DDX55: variants seen among roughly 807,000 people sequenced by gnomAD.
The protein encoded by DDX55 is DEAD-box helicase 55, also known as ATP-dependent RNA helicase DDX55.
A neutral mutation model predicts 69.2 loss-of-function variants in DDX55; 56 were observed. The ratio of observed to expected loss-of-function variants is 0.81; its 90% confidence interval spans 0.65 to 1.01. The LOEUF is 1.01. Ranked by LOEUF, DDX55 falls within the 50% of genes least tolerant of loss-of-function variation. The pLI is 0.00. For synonymous variants in DDX55, 268 were observed against 273.1 expected (o/e 0.98, Z 0.18); for missense variants, 720 against 745.1 (o/e 0.97, Z 0.39).
chr12:123,612,627 A>G (rs2135717787), intron 7 of DDX55, among the ~76,000 whole-genome samples: 1 of 152,206 alleles, frequency 6.6e-6, no homozygotes, highest in Admixed American at 6.5e-5. Context: ...CTTAGGTTCA[A>G]TCTCAGACCT....
rs1351672668 is a variant in DDX55, at chr12:123,612,112, C to A, written c.742-1058C>A. On this transcript the variant is annotated intron_variant, in intron 7 of 13. Coordinates refer to ENST00000238146, the MANE Select transcript of DDX55 (RefSeq NM_020936.3). ...CAAAATCTGAAGCTTTTTTGAGTGCCAACATGATGCTGAGAGGAAATACTC... is the reference window on the plus strand; with the variant it reads ...CAAAATCTGAAGCTTTTTTGAGTGCAAACATGATGCTGAGAGGAAATACTC... Among the ~76,000 whole-genome samples, 5 of 152,120 alleles carry A rather than the reference C, an allele frequency of 3.3e-5. No homozygotes were observed. The East Asian group carries it at 7.7e-4, about 23-fold the overall frequency.
intron 7 of DDX55, among the ~76,000 whole-genome samples, chr12:123,610,890 G>GTTTTTTTT (rs759513993): frequency 1.5e-5 from 2 of 132,728 alleles, no homozygotes; most frequent in African/African-American, 2.8e-5. Flanking sequence ...GCGCCCGGCC[G>GTTTTTTTT]TTTTTTTTTG....
At chr12:123,618,867 C>T in intron 12 of DDX55, 30 bp downstream of exon 12, 2 of 1,609,430 alleles carry the variant, frequency 1.2e-6, no homozygotes, top group Non-Finnish European at 1.7e-6. Context: ...GTGATAATGT[C>T]TCCATCTTAA....
rs1955067314 is a variant in DDX55 at position 123,620,612 on chromosome 12, A to ATATATG, written c.*477_*478insGTATAT. On this transcript the variant is annotated 3_prime_UTR_variant, in exon 14 of 14. Transcript: ENST00000238146. The stretch of plus-strand genomic sequence containing the variant: ...TATATATATATATATATATATATAT[A>ATATATG]TATATATATATATATAAGCTCTTTT... 1.3e-5 allele frequency: 1 copy of ATATATG among 75,006 alleles called. No individual in the cohort carries two copies. The highest frequency in any genetic ancestry group is 3.2e-5 in the Non-Finnish European group (1 of 31,696). The allele number at this position is 75,006 out of a possible 1,614,324, so 4.6% of individuals were successfully genotyped here.
chr12:123,617,898 G>A (rs1376340180), intron 11 of DDX55, 26 bp downstream of exon 11: 11 of 849,254 alleles, frequency 1.3e-5, no homozygotes, highest in Non-Finnish European at 1.8e-5. Context: ...TTTTCAGATA[G>A]AATGCCTAGT....
rs1037025781 is a variant in DDX55, at chr12:123,605,507, G to C, written c.109-424G>C. On this transcript the variant is annotated intron_variant, in intron 1 of 13. Transcript: ENST00000238146. ...CTGGAGGGAGCAGCCTCCAGGCCAA[G>C]GCCTGAATCTAATTGAGGTTTTTTT... 3.1e-5 allele frequency: 10 copies of C among 318,304 alleles called. No individual in the cohort carries two copies. In the Admixed American group the frequency reaches 4.4e-4, roughly 14 times the overall value. The allele number at this position is 318,304 out of a possible 1,614,324, so 19.7% of individuals were successfully genotyped here. A position where few individuals can be genotyped will look rare whatever the true frequency, so the allele number is the denominator to read the frequency against.
chr12:123,607,332 C>A, intron 3 of DDX55, 100 bp from the exon 4 acceptor site: 1 of 1,314,424 alleles, frequency 7.6e-7, no homozygotes, highest in Non-Finnish European at 1.1e-6. Flanking sequence ...TACTGTTTCT[C>A]TGGAACTTTC....
intron 8 of DDX55, 90 bp from the exon 9 acceptor site, chr12:123,615,095 T>A: frequency 6.4e-7 from 1 of 1,567,242 alleles, no homozygotes; most frequent in Non-Finnish European, 8.7e-7. Flanking sequence ...TTAGGTTGCG[T>A]CTGCTGCAGC....
intron 7 of DDX55, among the ~76,000 whole-genome samples, chr12:123,612,001 A>G (rs1415237043): frequency 2.6e-5 from 4 of 152,246 alleles, no homozygotes; most frequent in African/African-American, 9.6e-5. Flanking sequence ...TAATTAATCC[A>G]TGCAAAAATG....
chr12:123,602,170 T>C lies in DDX55; in HGVS notation c.22T>C (p.Ser8Pro). The C allele has an allele frequency of 6.4e-7, 1 of 1,561,530 alleles. No homozygotes were observed. Among genetic ancestry groups the C allele is most frequent in the East Asian group, 2.4e-5 (1 of 42,034 alleles). MEHVTEG[S>P]WESLPVPLHP... ...CGCCATGGAGCATGTGACAGAGGGC[T>C]CCTGGGAGTCGCTGCCTGTGCCGCT... The change falls in exon 1 of 14, where the codon TCC (serine) becomes CCC (proline). Residue 8 changes from serine (S) to proline (P), a missense_variant. Transcript: ENST00000238146.
chr12:123,617,816 G>A lies in DDX55; in HGVS notation c.1108G>A (p.Val370Met), dbSNP rs2135742725. 1.2e-6 allele frequency: 2 copies of A among 1,614,110 alleles called. No individual in the cohort carries two copies. The highest frequency in any genetic ancestry group is 1.1e-5 in the South Asian group (1 of 91,084). ...ARIGHGGSAL[V>M]FLLPMEESYI... ...CATTGGCCACGGGGGCAGCGCTCTG[G>A]TGTTCCTCCTGCCCATGGAAGAGTC... The change falls in exon 11 of 14, where the codon GTG (valine) becomes ATG (methionine). Residue 370 changes from valine to methionine, a missense_variant. Val to Met is a conservative substitution (Grantham distance 21, BLOSUM62 1). Coordinates refer to ENST00000238146, the MANE Select transcript of DDX55 (RefSeq NM_020936.3).
intron 11 of DDX55, 150 bp downstream of exon 11, chr12:123,618,022 T>G (rs778238680): frequency 5.5e-5 from 36 of 651,106 alleles, no homozygotes; most frequent in Admixed American, 1.8e-4. Flanking sequence ...GGGGTTTTTT[T>G]TTTTTTTTTT....
rs531124449 is a variant in DDX55 at position 123,618,950 on chromosome 12, A to G, written c.1333+113A>G. On this transcript the variant is annotated intron_variant, in intron 12 of 13. Coordinates refer to ENST00000238146, the MANE Select transcript of DDX55 (RefSeq NM_020936.3). The stretch of plus-strand genomic sequence containing the variant: ...AAGTGTTCCCAGGTTTTGAGTAGAC[A>G]CAGAATAAACTGGCCACTGGCTGCT... 44 of 1,452,026 alleles carry G rather than the reference A, an allele frequency of 3.0e-5. No homozygotes were observed. The African/African-American group carries it at 5.5e-4, about 18-fold the overall frequency. The allele number at this position is 1,452,026 out of a possible 1,614,324, so 89.9% of individuals were successfully genotyped here.
chr12:123,618,032 T>C, intron 11 of DDX55, 160 bp downstream of exon 11: 1 of 609,844 alleles, frequency 1.6e-6, no homozygotes, highest in Non-Finnish European at 2.8e-6. Flanking sequence ...TTTTTTTTTT[T>C]TGAGACGGAG....
chr12:123,620,123 T>G lies in DDX55; in HGVS notation c.1786T>G (p.Leu596Val). The G allele has an allele frequency of 3.1e-6, 5 of 1,613,812 alleles. No individual in the cohort carries two copies. Among genetic ancestry groups the G allele is most frequent in the Non-Finnish European group, 4.2e-6 (5 of 1,179,858 alleles). Residue 596 changes from leucine (L) to valine (V), a missense_variant, in exon 14 of 14, where the codon TTG becomes GTG. Physicochemically the swap from Leu to Val is conservative, Grantham distance 32. Coordinates refer to ENST00000238146, the MANE Select transcript of DDX55 (RefSeq NM_020936.3). Reference protein sequence around the residue: ...IKTVDLGISDLEDDC With the variant: ...IKTVDLGISDVEDDC ...GACAGTGGATTTAGGGATCTCAGAT[T>G]TGGAAGATGACTGCTGATTCCAGTG...
intron 9 of DDX55, among the ~76,000 whole-genome samples, chr12:123,615,665 C>A (rs1954602622): frequency 6.6e-6 from 1 of 152,174 alleles, no homozygotes; most frequent in Non-Finnish European, 1.5e-5. Context: ...GGAGCAAATC[C>A]ATTTGTCCTG....
chr12:123,609,401 G>T (rs1270217272), intron 6 of DDX55, among the ~76,000 whole-genome samples: 12 of 146,170 alleles, frequency 8.2e-5, no homozygotes, highest in African/African-American at 3.0e-4. Flanking sequence ...TTGAGACAGG[G>T]TCTCACTCTG....
chr12:123,619,778 G>A, intron 13 of DDX55, 54 bp downstream of exon 13: 2 of 1,529,760 alleles, frequency 1.3e-6, no homozygotes, highest in Admixed American at 2.2e-5. Flanking sequence ...ATTTATTGTA[G>A]TAGTTCTTTA....
Position 123,602,199 on chromosome 12 carries a change from C to G in DDX55, c.51C>G (p.His17Gln). 3 of 1,573,484 alleles carry G rather than the reference C, an allele frequency of 1.9e-6. No individual in the cohort carries two copies. Among genetic ancestry groups the G allele is most frequent in the East Asian group, 2.3e-5 (1 of 42,858 alleles). The change falls in exon 1 of 14, where the codon CAC becomes CAG. Residue 17 changes from histidine to glutamine, a missense_variant. Transcript: ENST00000238146. ...GSWESLPVPL[H>Q]PQVLGALREL... ...GGGAGTCGCTGCCTGTGCCGCTGCA[C>G]CCGCAGGTGCTGGGCGCGCTGCGGG...
Sources: allele counts gnomAD v4.1 joint callset (sites outside exome capture counted in the v4.1 genomes callset), GRCh38; gene constraint gnomAD v4.1.1; transcripts MANE v1.5; gene names NCBI Gene and HGNC (gene_info 2026-07-23, HGNC 2026-07-21).